SEMA5B: variants seen among roughly 807,000 people sequenced by gnomAD.
The protein encoded by SEMA5B is semaphorin 5B, also known as semaphorin-5B.
Under a neutral mutation model 135.0 loss-of-function variants are expected in SEMA5B, and 66 were observed. The observed-to-expected ratio is 0.49, with a 90% CI of 0.40 to 0.60. SEMA5B has a LOEUF of 0.60. SEMA5B is among the 20% of genes least tolerant of loss of function. The pLI, the probability that SEMA5B is intolerant of heterozygous loss-of-function variation, is 0.00. For missense variants in SEMA5B, 1,501 were observed against 1,566.3 expected (o/e 0.96, Z 0.70); for synonymous variants, 690 against 639.5 (o/e 1.08, Z -1.19).
chr3:122,949,062 TA>T (rs1468857350), intron 2 of SEMA5B, among the ~76,000 whole-genome samples: 12 of 152,294 alleles, frequency 7.9e-5, no homozygotes, highest in South Asian at 4.1e-4. Flanking sequence ...TCTGGATCCA[TA>T]ACTCATACTT....
intron 22 of SEMA5B, 65 bp from the exon 23 acceptor site, chr3:122,910,366 G>C (rs1937624516): frequency 6.4e-7 from 1 of 1,555,880 alleles, no homozygotes; most frequent in African/African-American, 1.4e-5. Context: ...GAACAGGCCA[G>C]AGCAAGGAGT....
At chr3:122,959,743 T>C (rs1576367868) in intron 2 of SEMA5B, among the ~76,000 whole-genome samples, 1 of 152,314 alleles carries the variant, frequency 6.6e-6, no homozygotes, top group Non-Finnish European at 1.5e-5. Flanking sequence ...CATAGAGTAG[T>C]AGTGTGGCTT....
chr3:122,914,494 G>A (rs1466037208), intron 14 of SEMA5B, among the ~76,000 whole-genome samples: 1 of 152,234 alleles, frequency 6.6e-6, no homozygotes, highest in Non-Finnish European at 1.5e-5. Context: ...TTTGCTGGCT[G>A]TGAAACCCTG....
rs1277686710 is a variant in SEMA5B, at chr3:122,921,998, G to T, written c.1605C>A (p.His535Gln). The part of the protein sequence containing the change: ...REPLRSLRIL[H>Q]SARALFVGLR... ...GCCCCACGAAGAGCGCGCGGGCGCT[G>T]TGCAGGATGCGCAGGCTGCGCAGGG... The change falls in exon 12 of 23, where the codon CAC (histidine) becomes CAA (glutamine). Residue 535 changes from histidine to glutamine, a missense_variant. His to Gln is a conservative substitution (Grantham distance 24). Coordinates refer to ENST00000357599, the MANE Select transcript of SEMA5B (RefSeq NM_001031702.4). The T allele has an allele frequency of 1.3e-6, 2 of 1,532,876 alleles. No homozygotes were observed. Among genetic ancestry groups the T allele is most frequent in the Non-Finnish European group, 1.7e-6 (2 of 1,143,152 alleles). 95.0% of individuals were successfully genotyped at this position (1,532,876 alleles called of 1,614,324 possible).
chr3:122,932,974 C>A (rs1056334017), intron 5 of SEMA5B, among the ~76,000 whole-genome samples: 1 of 152,158 alleles, frequency 6.6e-6, no homozygotes, highest in Non-Finnish European at 1.5e-5. Context: ...CTCCCCTCGG[C>A]CTCCCAAAGT....
chr3:123,023,015 G>A (rs1942724316), intron 1 of SEMA5B, among the ~76,000 whole-genome samples: 1 of 152,156 alleles, frequency 6.6e-6, no homozygotes, highest in South Asian at 2.1e-4. Flanking sequence ...CCCATTAGAG[G>A]ATCATCTCCT....
At chr3:122,967,511 C>A (rs1940918248) in intron 1 of SEMA5B, among the ~76,000 whole-genome samples, 1 of 152,200 alleles carries the variant, frequency 6.6e-6, no homozygotes, top group Non-Finnish European at 1.5e-5. Context: ...TGCCCTTAAC[C>A]CAGTGCAGAC....
intron 1 of SEMA5B, among the ~76,000 whole-genome samples, chr3:122,994,289 G>A (rs890899266): frequency 1.3e-5 from 2 of 152,182 alleles, no homozygotes; most frequent in Admixed American, 6.5e-5. Flanking sequence ...TCCCTCTCCT[G>A]TAAGATTAGC....
intron 1 of SEMA5B, among the ~76,000 whole-genome samples, chr3:122,963,602 G>T (rs543088724): frequency 6.6e-6 from 1 of 152,270 alleles, no homozygotes; most frequent in East Asian, 1.9e-4. Context: ...CCTGAAAGAG[G>T]TTAAAAGGCT....
At chr3:122,918,691 T>C (rs1277533972) in intron 12 of SEMA5B, among the ~76,000 whole-genome samples, 2 of 152,238 alleles carry the variant, frequency 1.3e-5, no homozygotes, top group Admixed American at 1.3e-4. Context: ...AGATTCTTCA[T>C]GGACACGCCT....
intron 1 of SEMA5B, among the ~76,000 whole-genome samples, chr3:122,998,795 A>C (rs1942092288): frequency 6.6e-6 from 1 of 152,260 alleles, no homozygotes; most frequent in South Asian, 2.1e-4. Flanking sequence ...TCAACTCATT[A>C]CAAGAAGTAG....
In SEMA5B at chr3:122,996,150, G is replaced by A. The variant is rs554351455; in HGVS notation, c.-39+31314C>T. ...CAGCTGGAGGGCGAAGCCTAAGAGG[G>A]TCCCAAGGGAGGGGGCAGCTCTTCT... On this transcript the variant is annotated intron_variant, in intron 1 of 22. Coordinates refer to ENST00000357599, the MANE Select transcript of SEMA5B (RefSeq NM_001031702.4). Among the ~76,000 whole-genome samples, 6 of 152,358 alleles carry A rather than the reference G, an allele frequency of 3.9e-5. No homozygotes were observed. The South Asian group carries it at 8.3e-4, about 21-fold the overall frequency.
intron 12 of SEMA5B, among the ~76,000 whole-genome samples, chr3:122,917,202 C>G (rs575825890): frequency 6.6e-6 from 1 of 152,338 alleles, no homozygotes; most frequent in South Asian, 2.1e-4. Context: ...CCAGCTTCCA[C>G]CCCCTTCTGA....
At chr3:122,921,287 T>C (rs1938336358) in intron 12 of SEMA5B, among the ~76,000 whole-genome samples, 1 of 152,208 alleles carries the variant, frequency 6.6e-6, no homozygotes. Context: ...GGCTTTGGAA[T>C]AGGCTTTGGT....
At chr3:122,968,306 C>G (rs960024037) in intron 1 of SEMA5B, among the ~76,000 whole-genome samples, 7 of 152,234 alleles carry the variant, frequency 4.6e-5, no homozygotes, top group African/African-American at 1.7e-4. Flanking sequence ...TAATTATGGT[C>G]TGCTTTATTC....
chr3:122,978,949 G>A (rs770116738), intron 1 of SEMA5B, among the ~76,000 whole-genome samples: 25 of 152,114 alleles, frequency 1.6e-4, no homozygotes, highest in Admixed American at 8.5e-4. Flanking sequence ...CTTCATGCTC[G>A]TCCTCCTGCC....
chr3:122,913,831 C>T (rs1236680915), intron 15 of SEMA5B, 27 bp downstream of exon 15: 1 of 1,581,678 alleles, frequency 6.3e-7, no homozygotes. Context: ...TAGTCTGGGA[C>T]CTCAGAGCAA....
intron 1 of SEMA5B, among the ~76,000 whole-genome samples, chr3:123,022,481 A>G (rs1243290209): frequency 2.6e-5 from 4 of 152,210 alleles, no homozygotes; most frequent in African/African-American, 4.8e-5. Flanking sequence ...TAAAGCTTTC[A>G]TGTACTCAGG....
intron 5 of SEMA5B, among the ~76,000 whole-genome samples, 190 bp from the exon 6 acceptor site, chr3:122,929,248 A>G (rs1938822911): frequency 6.6e-6 from 1 of 152,186 alleles, no homozygotes; most frequent in Non-Finnish European, 1.5e-5. Flanking sequence ...CCTTACCCAG[A>G]GGTCTTTCAC....
Sources: allele counts gnomAD v4.1 joint callset (sites outside exome capture counted in the v4.1 genomes callset), GRCh38; gene constraint gnomAD v4.1.1; transcripts MANE v1.5; gene names NCBI Gene and HGNC (gene_info 2026-07-23, HGNC 2026-07-21).